The following SPNS3 variants were observed in gnomAD, a reference collection of about 807,000 sequenced individuals.
SPNS3 encodes SPNS lysolipid transporter 3, sphingosine-1-phosphate (putative).
A neutral mutation model predicts 54.4 loss-of-function variants in SPNS3; 51 were observed. That is an observed-to-expected ratio of 0.94 (90% confidence interval 0.75 to 1.18). The LOEUF (loss-of-function observed/expected upper bound fraction) is 1.18. Among genes scored for constraint, SPNS3 ranks in the 50% most tolerant of loss-of-function variants. The pLI, the probability that SPNS3 is intolerant of heterozygous loss-of-function variation, is 0.00. For synonymous variants in SPNS3, 309 were observed against 294.7 expected (o/e 1.05, Z -0.50); for missense variants, 669 against 677.4 (o/e 0.99, Z 0.14).
chr17:4,436,514 A>G (rs60763461), intron 1 of SPNS3, among the ~76,000 whole-genome samples: 6,509 of 150,130 alleles, frequency 0.043, 455 homozygotes, highest in African/African-American at 0.15. Context: ...AGGCTGAAGC[A>G]GGAGGATTGC....
At position 4,469,891 on chromosome 17, in the gene SPNS3, A is replaced by C. The variant is rs73975136; in HGVS notation, c.1114-8681A>C. On this transcript the variant is annotated intron_variant, in intron 8 of 11. Coordinates refer to ENST00000355530, the MANE Select transcript of SPNS3 (RefSeq NM_182538.5). Reference sequence around the variant, plus strand: ...TTTTTATTTGGGAGACACTAAAAAAACAAAAACAAAAGCATAAAAGTACAG... The same window carrying C: ...TTTTTATTTGGGAGACACTAAAAAACCAAAAACAAAAGCATAAAAGTACAG... 6.1e-3 allele frequency among the ~76,000 whole-genome samples: 923 copies of C among 152,322 alleles called. 14 individuals carry two copies. The highest frequency in any genetic ancestry group is 0.021 in the African/African-American group (888 of 41,576).
intron 2 of SPNS3, among the ~76,000 whole-genome samples, chr17:4,441,990 G>GTA (rs1970865010): frequency 6.6e-6 from 1 of 150,600 alleles, no homozygotes; most frequent in Non-Finnish European, 1.5e-5. Flanking sequence ...AGAAGTGTGT[G>GTA]TGTGTGTGTG....
At chr17:4,461,624 A>C (rs975840656) in intron 8 of SPNS3, among the ~76,000 whole-genome samples, 1 of 151,902 alleles carries the variant, frequency 6.6e-6, no homozygotes, top group Non-Finnish European at 1.5e-5. Flanking sequence ...TTTGAACCAG[A>C]GTGGCAACAA....
At chr17:4,436,630 G>A (rs1056724776) in intron 1 of SPNS3, among the ~76,000 whole-genome samples, 1 of 152,104 alleles carries the variant, frequency 6.6e-6, no homozygotes, top group Admixed American at 6.6e-5. Context: ...CCAAAACAAA[G>A]CAAAACAAAA....
At chr17:4,461,124 T>A (rs1971487526) in intron 8 of SPNS3, among the ~76,000 whole-genome samples, 1 of 152,112 alleles carries the variant, frequency 6.6e-6, no homozygotes, top group South Asian at 2.1e-4. Flanking sequence ...GTTAATCTAA[T>A]TTGTTGGCAC....
At chr17:4,439,757 C>G (rs1288960199) in intron 2 of SPNS3, 34 bp downstream of exon 2, 1 of 1,588,698 alleles carries the variant, frequency 6.3e-7, no homozygotes, top group Non-Finnish European at 8.6e-7. Flanking sequence ...AGCCGGGGCC[C>G]TGGGTTCATG....
At chr17:4,452,575 A>G (rs554217906) in intron 7 of SPNS3, among the ~76,000 whole-genome samples, 1 of 152,192 alleles carries the variant, frequency 6.6e-6, no homozygotes, top group East Asian at 1.9e-4. Flanking sequence ...GGGGCTCAGT[A>G]AATACATGTT....
At chr17:4,480,516 C>T (rs1018763298) in intron 9 of SPNS3, among the ~76,000 whole-genome samples, 1 of 152,242 alleles carries the variant, frequency 6.6e-6, no homozygotes, top group African/African-American at 2.4e-5. Flanking sequence ...CTGGCCTGCC[C>T]CCCACGGCGC....
In SPNS3 at chr17:4,454,679, C is replaced by T. The variant is rs541626042; in HGVS notation, c.1113+1474C>T. 2.5e-4 allele frequency among the ~76,000 whole-genome samples: 35 copies of T among 142,104 alleles called. No homozygotes were observed. The East Asian group carries it at 5.1e-3, about 21-fold the overall frequency. 93.2% of individuals were successfully genotyped at this position (142,104 alleles called of 152,430 possible). On this transcript the variant is annotated intron_variant, in intron 8 of 11. Transcript: ENST00000355530. ...TCGCCCAGGCTGGAGTGCAGTGGCA[C>T]GATCTTGGCTCACTGCAACCAACCT...
At chr17:4,451,657 CT>C (rs1193577978) in intron 7 of SPNS3, among the ~76,000 whole-genome samples, 3 of 150,692 alleles carry the variant, frequency 2.0e-5, no homozygotes, top group Non-Finnish European at 4.4e-5. Flanking sequence ...CTTTGAGCTC[CT>C]TTATTTGTTT....
rs79769554 is a variant in SPNS3 at position 4,485,393 on chromosome 17, T to A, written c.1180-835T>A. The stretch of plus-strand genomic sequence containing the variant: ...AGTGTGTGACACCAGAGTTCTTTAT[T>A]TTTTTTATTTTTTTTTTTTTTGAGA... On this transcript the variant is annotated intron_variant, in intron 9 of 11. Coordinates refer to ENST00000355530, the MANE Select transcript of SPNS3 (RefSeq NM_182538.5). Among the ~76,000 whole-genome samples the A allele has an allele frequency of 2.7e-4, 41 of 151,764 alleles. No individual in the cohort carries two copies. In the East Asian group the frequency reaches 7.8e-3, roughly 29 times the overall value.
intron 8 of SPNS3, among the ~76,000 whole-genome samples, chr17:4,461,361 C>CTTTT (rs55928003): frequency 0.034 from 1,144 of 33,380 alleles, 107 homozygotes; most frequent in Middle Eastern, 0.11. Context: ...CTTTTCTTTT[C>CTTTT]TTTTTTTTTT....
chr17:4,486,509 T>TG lies in SPNS3; in HGVS notation c.1382dup (p.Gly462ArgfsTer29), dbSNP rs756918252. Reference sequence around the variant, plus strand: ...CTGTGCTGCGCCTTTGTCATCGCCCTGGGGGGCGGCTGCTTCCTGCTGACT... The same window carrying TG: ...CTGTGCTGCGCCTTTGTCATCGCCCTGGGGGGGCGGCTGCTTCCTGCTGACT... On this transcript the variant is annotated frameshift_variant, in exon 11 of 12. Coordinates refer to ENST00000355530, the MANE Select transcript of SPNS3 (RefSeq NM_182538.5). LOFTEE classifies it high-confidence loss of function. This position sits in a 1 kb window ranked among gnomAD's most constrained non-coding sequence, Gnocchi z 5.5. 6.8e-6 allele frequency: 11 copies of TG among 1,613,482 alleles called. No homozygotes were observed. The highest frequency in any genetic ancestry group is 4.0e-5 in the African/African-American group (3 of 74,918).
At position 4,486,163 on chromosome 17, in the gene SPNS3, G is replaced by A. The variant is rs1010349205; in HGVS notation, c.1180-65G>A. 7 of 1,416,838 alleles carry A rather than the reference G, an allele frequency of 4.9e-6. No homozygotes were observed. In the African/African-American group the frequency reaches 8.7e-5, roughly 18 times the overall value. The allele number at this position is 1,416,838 out of a possible 1,614,324, so 87.8% of individuals were successfully genotyped here. ...ACTCCTCCAGGCAGGTCCTTGGCAG[G>A]TGGGGAACAGCAGGCAAGGGTGCCC... On this transcript the variant is annotated intron_variant, in intron 9 of 11. Transcript: ENST00000355530. The surrounding 1 kb of genome is among the most constrained non-coding windows in gnomAD (Gnocchi z 5.5).
In SPNS3 at chr17:4,487,793, T is replaced by C; in HGVS notation, c.1451-13T>C. On this transcript the variant is annotated splice_polypyrimidine_tract_variant and intron_variant, in intron 11 of 11. Transcript: ENST00000355530. ...GCAACCTTCGGGCAGGCTGAGCATC[T>C]TTCCTCCTGCAGGGACCCCAGACAG... 6.2e-7 allele frequency: 1 copy of C among 1,613,070 alleles called. No homozygotes were observed. Among genetic ancestry groups the C allele is most frequent in the Non-Finnish European group, 8.5e-7 (1 of 1,179,090 alleles).
chr17:4,434,397 C>T (rs566014974), intron 1 of SPNS3, among the ~76,000 whole-genome samples: 27 of 152,328 alleles, frequency 1.8e-4, no homozygotes, highest in Non-Finnish European at 4.4e-5. Context: ...TGGTGGCTCC[C>T]GCTTGTAATT....
Position 4,445,461 on chromosome 17 carries a change from T to C in SPNS3, c.402+293T>C, listed in dbSNP as rs191630436. ...CGTGATCTCGACTCACTGCAAACTCTGCCTCCCGAGTTCAAGCAATTCTCC... is the reference window on the plus strand; with the variant it reads ...CGTGATCTCGACTCACTGCAAACTCCGCCTCCCGAGTTCAAGCAATTCTCC... On this transcript the variant is annotated intron_variant, in intron 3 of 11. Transcript: ENST00000355530. 4.6e-3 allele frequency among the ~76,000 whole-genome samples: 697 copies of C among 151,836 alleles called. 3 individuals carry two copies. The highest frequency in any genetic ancestry group is 6.8e-3 in the Non-Finnish European group (459 of 67,938).
chr17:4,470,393 A>C (rs1971823988), intron 8 of SPNS3, among the ~76,000 whole-genome samples: 1 of 152,184 alleles, frequency 6.6e-6, no homozygotes, highest in Non-Finnish European at 1.5e-5. Flanking sequence ...ACGCCACTGC[A>C]CTCCAGCCTG....
intron 8 of SPNS3, among the ~76,000 whole-genome samples, chr17:4,467,956 C>T (rs953663191): frequency 3.3e-5 from 5 of 152,184 alleles, no homozygotes; most frequent in South Asian, 2.1e-4. Context: ...CAGGCATGGG[C>T]GACGGCGCCT....
Sources: allele counts gnomAD v4.1 joint callset (sites outside exome capture counted in the v4.1 genomes callset), GRCh38; gene constraint gnomAD v4.1.1; non-coding constraint Gnocchi (gnomAD v3.1); transcripts MANE v1.5; gene names NCBI Gene and HGNC (gene_info 2026-07-23, HGNC 2026-07-21).